Variants in COL20A1 observed in about 807,000 individuals in gnomAD.
The protein encoded by COL20A1 is collagen type XX alpha 1 chain.
COL20A1 carries 164 observed loss-of-function variants against 152.9 expected under a neutral mutation model. That is an observed-to-expected ratio of 1.07 (90% CI 0.94 to 1.22). The LOEUF (loss-of-function observed/expected upper bound fraction) is 1.22, where lower values mean the gene tolerates loss of function less well. Among genes scored for constraint, COL20A1 ranks in the 50% most tolerant of loss-of-function variants. The probability of loss-of-function intolerance (pLI) is 0.00; values close to 1 mark genes in which losing one functional copy is unlikely to be tolerated. For synonymous variants in COL20A1, 864 were observed against 756.0 expected, an observed-to-expected ratio of 1.14 and a Z score of -2.34; for missense variants, 1,873 against 1,744.8, an observed-to-expected ratio of 1.07 and a Z score of -1.31.
At chr20:63,322,740 C>G (rs981104955) in intron 27 of COL20A1, among the ~76,000 whole-genome samples, 2 of 152,222 alleles carry the variant, frequency 1.3e-5, no homozygotes, top group Non-Finnish European at 2.9e-5. Context: ...ACACAGATGC[C>G]GAAGGCGTGG....
In COL20A1 at chr20:63,309,908, C is replaced by T. The variant is rs1281541915; in HGVS notation, c.1256C>T (p.Pro419Leu). The change falls in exon 10 of 36, where the codon CCC becomes CTC. Residue 419 changes from proline (P) to leucine (L), a missense_variant. Transcript: ENST00000358894. The part of the protein sequence containing the change: ...IVWRASRGGT[P>L]REVVVEGPAA... ...TGGCGAGCCTCTAGAGGTGGCACCC[C>T]CAGGGAGGTGAGGGGGCCGGTATAC... 6.3e-7 allele frequency: 1 copy of T among 1,599,832 alleles called. No individual in the cohort carries two copies. Among genetic ancestry groups the T allele is most frequent in the Non-Finnish European group, 8.5e-7 (1 of 1,173,556 alleles).
At chr20:63,295,866 C>T (rs549507923) in intron 2 of COL20A1, among the ~76,000 whole-genome samples, 2 of 152,290 alleles carry the variant, frequency 1.3e-5, no homozygotes, top group South Asian at 4.1e-4. Flanking sequence ...ACGCTGTAAA[C>T]TTGTCCCTGG....
intron 2 of COL20A1, among the ~76,000 whole-genome samples, chr20:63,297,281 AGGGGACCCAGCCT>A (rs1377781791): frequency 1.4e-5 from 2 of 146,844 alleles, no homozygotes; most frequent in African/African-American, 2.5e-5. Context: ...GACTTAGCTC[AGGGGACCCAGCCT>A]GGGGACTCAG....
At chr20:63,304,190 T>G (rs62650589) in intron 3 of COL20A1, among the ~76,000 whole-genome samples, 3,102 of 28,970 alleles carry the variant, frequency 0.11, no homozygotes, top group Admixed American at 0.11. Context: ...CAGGTGTGCA[T>G]GTGTGGGTTC....
Position 63,320,325 on chromosome 20 carries a change from A to T in COL20A1, c.3110A>T (p.Asp1037Val). The stretch of plus-strand genomic sequence containing the variant: ...CAGATGCTGCAGATCGTGTGCAGTG[A>T]CACCTGGGCCGATGAGGACCGGTGC... ...QLQMLQIVCS[D>V]TWADEDRCCE... Residue 1037 changes from aspartate to valine, a missense_variant, in exon 25 of 36, where the codon GAC becomes GTC. Asp to Val is a radical substitution (Grantham distance 152). Transcript: ENST00000358894. 1 of 1,611,048 alleles carries T rather than the reference A, an allele frequency of 6.2e-7. No individual in the cohort carries two copies. Among genetic ancestry groups the T allele is most frequent in the Non-Finnish European group, 8.5e-7 (1 of 1,179,806 alleles).
Position 63,320,065 on chromosome 20 carries a change from G to C in COL20A1, c.2943G>C (p.Lys981Asn). The C allele has an allele frequency of 6.4e-7, 1 of 1,555,684 alleles. No individual in the cohort carries two copies. The highest frequency in any genetic ancestry group is 8.7e-7 in the Non-Finnish European group (1 of 1,150,422). The change falls in exon 24 of 36, where the codon AAG (lysine) becomes AAC (asparagine). Residue 981 changes from lysine to asparagine, a missense_variant. Coordinates refer to ENST00000358894, the MANE Select transcript of COL20A1 (RefSeq NM_020882.4). Reference sequence around the variant, plus strand: ...TGCACGTGGCTGTGGGCCGCTCCAAGGTCAGGCTCTATGTGGACTGCCGGA... The same window carrying C: ...TGCACGTGGCTGTGGGCCGCTCCAACGTCAGGCTCTATGTGGACTGCCGGA... ...HKVHVAVGRS[K>N]VRLYVDCRKV... is the part of the protein sequence containing the mutation.
chr20:63,322,003 T>C lies in COL20A1; in HGVS notation c.3241-55T>C, dbSNP rs76380534. The C allele has an allele frequency of 9.3e-3, 13,390 of 1,442,516 alleles. 935 individuals carry two copies. In the African/African-American group the frequency reaches 0.16, roughly 17 times the overall value. The allele number at this position is 1,442,516 out of a possible 1,614,324, so 89.4% of individuals were successfully genotyped here. ...ATGGGGCTCAGGGGCTGGTCTTTGC[T>C]CCTCTACCTTGGTTGGGTAGTTCTG... On this transcript the variant is annotated intron_variant, in intron 26 of 35. Coordinates refer to ENST00000358894, the MANE Select transcript of COL20A1 (RefSeq NM_020882.4).
intron 2 of COL20A1, among the ~76,000 whole-genome samples, chr20:63,296,118 TC>T (rs2067791043): frequency 6.6e-6 from 1 of 152,274 alleles, no homozygotes; most frequent in African/African-American, 2.4e-5. Context: ...TTGAGACCCT[TC>T]CGGGTTTCAC....
chr20:63,319,865 G>A lies in COL20A1; in HGVS notation c.2917-174G>A, dbSNP rs780266725. 2.0e-5 allele frequency among the ~76,000 whole-genome samples: 3 copies of A among 152,264 alleles called. No homozygotes were observed. The highest frequency in any genetic ancestry group is 2.1e-4 in the South Asian group (1 of 4,822). On this transcript the variant is annotated intron_variant, in intron 23 of 35. Transcript: ENST00000358894. The surrounding 1 kb of genome is among the most constrained non-coding windows in gnomAD (Gnocchi z 4.4). ...TGGTCCATTTTACAGAGGGGAAGCC[G>A]AGGCCCAGCAAGGGGGGGTTCTCCC...
chr20:63,313,764 C>T lies in COL20A1; in HGVS notation c.2231C>T (p.Pro744Leu). 1 of 1,602,566 alleles carries T rather than the reference C, an allele frequency of 6.2e-7. No individual in the cohort carries two copies. Among genetic ancestry groups the T allele is most frequent in the Non-Finnish European group, 8.5e-7 (1 of 1,175,314 alleles). The change falls in exon 18 of 36, where the codon CCC (proline) becomes CTC (leucine). Residue 744 changes from proline to leucine, a missense_variant. By Grantham distance (98) the Pro-to-Leu change is moderately conservative (BLOSUM62 -3). Transcript: ENST00000358894. This position sits in a 1 kb window ranked among gnomAD's most constrained non-coding sequence, Gnocchi z 5.9. ...CCAGCCACGGTGAGCAGGAGCCCAC[C>T]CTCCAACCTGGCCCTGGCCTCGGAG... ...YTPSTVSRSPPSNLALASETP... is the reference protein window; with the variant it reads ...YTPSTVSRSPLSNLALASETP...
chr20:63,312,182 G>A, intron 14 of COL20A1, 127 bp downstream of exon 14: 1 of 1,244,986 alleles, frequency 8.0e-7, no homozygotes, highest in Non-Finnish European at 1.1e-6. Flanking sequence ...GGCACAGCGG[G>A]GGCACCTGGT....
At chr20:63,295,377 C>T (rs954701927) in intron 2 of COL20A1, among the ~76,000 whole-genome samples, 188 bp downstream of exon 2, 5 of 152,262 alleles carry the variant, frequency 3.3e-5, no homozygotes, top group African/African-American at 1.2e-4. Flanking sequence ...AACCTTCAGC[C>T]TCGCCTTGGG....
At position 63,328,480 on chromosome 20, in the gene COL20A1, C is replaced by T. The variant is rs771442278; in HGVS notation, c.3763C>T (p.Arg1255Cys). ...TCCTGGAGAATGGGGGCGTGGTGGC[C>T]GCCACCTTGAGGGCAGAGGTACTGG... is the stretch of plus-strand genomic sequence containing the variant. Reference protein sequence around the residue: ...LVPGEWGRGGRHLEGRGEPGA... With the variant: ...LVPGEWGRGGCHLEGRGEPGA... Residue 1255 changes from arginine to cysteine, a missense_variant, in exon 34 of 36, where the codon CGC (arginine) becomes TGC (cysteine). Physicochemically the swap from Arg to Cys is radical, Grantham distance 180 (BLOSUM62 -3). Coordinates refer to ENST00000358894, the MANE Select transcript of COL20A1 (RefSeq NM_020882.4). 1.4e-5 allele frequency: 23 copies of T among 1,611,564 alleles called. No individual in the cohort carries two copies. Among genetic ancestry groups the T allele is most frequent in the Non-Finnish European group, 1.7e-5 (20 of 1,179,230 alleles).
Position 63,319,977 on chromosome 20 carries a change from G to A in COL20A1, c.2917-62G>A. The stretch of plus-strand genomic sequence containing the variant: ...TACTCCCCAGCCCTGGCCTGGCCTT[G>A]GGGGCTCAGGTGGGCACCGGCCCCG... On this transcript the variant is annotated intron_variant, in intron 23 of 35. Coordinates refer to ENST00000358894, the MANE Select transcript of COL20A1 (RefSeq NM_020882.4). The surrounding 1 kb of genome is among the most constrained non-coding windows in gnomAD (Gnocchi z 4.4). The A allele has an allele frequency of 6.6e-7, 1 of 1,504,108 alleles. No homozygotes were observed. Among genetic ancestry groups the A allele is most frequent in the Non-Finnish European group, 9.0e-7 (1 of 1,113,842 alleles). 93.2% of individuals were successfully genotyped at this position (1,504,108 alleles called of 1,614,324 possible). A position where few individuals can be genotyped will look rare whatever the true frequency, so the allele number is the denominator to read the frequency against.
rs932339697 is a variant in COL20A1 at position 63,305,796 on chromosome 20, C to T, written c.338-85C>T. The T allele has an allele frequency of 6.5e-6, 9 of 1,385,262 alleles. No individual in the cohort carries two copies. Among genetic ancestry groups the T allele is most frequent in the Middle Eastern group, 2.0e-4 (1 of 4,894 alleles). The allele number at this position is 1,385,262 out of a possible 1,614,324, so 85.8% of individuals were successfully genotyped here. A position where few individuals can be genotyped will look rare whatever the true frequency, so the allele number is the denominator to read the frequency against. ...CCTGGGCCCTCAGCACCCACAGATGCGCCCTTGAAGGGGTGTATGTGCAGC... is the reference window on the plus strand; with the variant it reads ...CCTGGGCCCTCAGCACCCACAGATGTGCCCTTGAAGGGGTGTATGTGCAGC... On this transcript the variant is annotated intron_variant, in intron 4 of 35. Coordinates refer to ENST00000358894, the MANE Select transcript of COL20A1 (RefSeq NM_020882.4). The surrounding 1 kb of genome is among the most constrained non-coding windows in gnomAD (Gnocchi z 4.9).
At chr20:63,322,713 G>A (rs371516669) in intron 27 of COL20A1, among the ~76,000 whole-genome samples, 1 of 152,188 alleles carries the variant, frequency 6.6e-6, no homozygotes, top group Non-Finnish European at 1.5e-5. Flanking sequence ...CCTAAACCAC[G>A]GTACTGCACA....
intron 2 of COL20A1, 114 bp downstream of exon 2, chr20:63,295,303 C>A: frequency 1.5e-6 from 1 of 673,646 alleles, no homozygotes; most frequent in Non-Finnish European, 2.6e-6. Context: ...AAGTTGAATG[C>A]GTGCTGAATT....
At position 63,311,784 on chromosome 20, in the gene COL20A1, G is replaced by T. The variant is rs767600616; in HGVS notation, c.1663+36G>T. The T allele has an allele frequency of 2.6e-6, 4 of 1,562,098 alleles. No individual in the cohort carries two copies. The African/African-American group carries it at 4.1e-5, about 16-fold the overall frequency. ...CAACCCCGGCTGCCTGCCCACAGGC[G>T]GGTGCCCCATCTTGTTCCTCAGCCT... On this transcript the variant is annotated intron_variant, in intron 13 of 35. Coordinates refer to ENST00000358894, the MANE Select transcript of COL20A1 (RefSeq NM_020882.4). The surrounding 1 kb of genome is among the most constrained non-coding windows in gnomAD (Gnocchi z 4.4).
chr20:63,322,394 A>G (rs2068177224), intron 27 of COL20A1, among the ~76,000 whole-genome samples: 1 of 152,156 alleles, frequency 6.6e-6, no homozygotes, highest in South Asian at 2.1e-4. Context: ...ATGGCCCAGC[A>G]GGGGAATCTG....
Sources: gnomAD v4.1 joint callset for allele counts (sites outside exome capture counted in the v4.1 genomes callset) on GRCh38, gnomAD v4.1.1 for gene constraint, Gnocchi (gnomAD v3.1) non-coding constraint, MANE v1.5 for transcripts, NCBI Gene and HGNC (gene_info 2026-07-23, HGNC 2026-07-21) for gene names.